The following SYNE1 variants were observed in gnomAD, a reference collection of about 807,000 sequenced individuals.
The protein encoded by SYNE1 is spectrin repeat containing nuclear envelope protein 1.
In SYNE1, 616 loss-of-function variants were observed where a neutral mutation model predicts 1,111.0. The ratio of observed to expected loss-of-function variants is 0.55; its 90% CI spans 0.52 to 0.59. The LOEUF is 0.59. SYNE1 is among the 20% of genes least tolerant of loss of function. The pLI, the probability that SYNE1 is intolerant of heterozygous loss-of-function variation, is 0.00. For missense variants in SYNE1, 10,006 were observed against 10,417.0 expected (o/e 0.96, Z 1.72); for synonymous variants, 3,855 against 3,825.8 (o/e 1.01, Z -0.28).
intron 28 of SYNE1, among the ~76,000 whole-genome samples, chr6:152,449,022 A>G (rs2098623046): frequency 6.6e-6 from 1 of 152,174 alleles, no homozygotes; most frequent in Non-Finnish European, 1.5e-5. Context: ...ACAGAATGCA[A>G]ACTGTGTTTG....
rs537186041 is a variant in SYNE1 at position 152,563,160 on chromosome 6, G to A, written c.68-23139C>T. ...TATCATACCCGGAGTCTTGTAGATTGTTTTTATCATATCTCACCTATTTTA... is the reference window on the plus strand; with the variant it reads ...TATCATACCCGGAGTCTTGTAGATTATTTTTATCATATCTCACCTATTTTA... On this transcript the variant is annotated intron_variant, in intron 3 of 145. Coordinates refer to ENST00000367255, the MANE Select transcript of SYNE1 (RefSeq NM_182961.4). Among the ~76,000 whole-genome samples, 5 of 152,074 alleles carry A rather than the reference G, an allele frequency of 3.3e-5. No homozygotes were observed. The South Asian group carries it at 1.0e-3, about 32-fold the overall frequency.
chr6:152,264,955 AAC>A (rs2092524318), intron 100 of SYNE1, among the ~76,000 whole-genome samples: 2 of 152,116 alleles, frequency 1.3e-5, no homozygotes, highest in Admixed American at 1.3e-4. Flanking sequence ...CACACCTGTA[AAC>A]ACAGCATTTT....
chr6:152,352,549 C>T (rs1003882688), intron 69 of SYNE1, among the ~76,000 whole-genome samples, 196 bp from the exon 70 acceptor site: 31 of 152,062 alleles, frequency 2.0e-4, no homozygotes, highest in African/African-American at 6.0e-4. Flanking sequence ...ACTACAGGTG[C>T]GTGCCACCAT....
intron 115 of SYNE1, among the ~76,000 whole-genome samples, chr6:152,226,343 T>C (rs1321870153): frequency 1.3e-5 from 2 of 151,828 alleles, no homozygotes; most frequent in African/African-American, 2.4e-5. Context: ...CTGAGTCACT[T>C]TGGGTAGGTG....
chr6:152,152,288 C>G (rs1254133469), intron 133 of SYNE1, 147 bp from the exon 134 acceptor site: 1 of 756,188 alleles, frequency 1.3e-6, no homozygotes, highest in East Asian at 2.7e-5. Flanking sequence ...GGTACACTTC[C>G]CCTTGTTAAT....
chr6:152,147,806 T>C, intron 137 of SYNE1: 1 of 506,332 alleles, frequency 2.0e-6, no homozygotes, highest in Non-Finnish European at 3.6e-6. Flanking sequence ...GAACTGTGTA[T>C]CCCTAGAACC....
At chr6:152,222,584 T>C (rs929956034) in intron 117 of SYNE1, among the ~76,000 whole-genome samples, 5 of 152,262 alleles carry the variant, frequency 3.3e-5, no homozygotes, top group Non-Finnish European at 7.3e-5. Context: ...GGGTACTATA[T>C]GATGTTTTGA....
At position 152,607,829 on chromosome 6, in the gene SYNE1, T is replaced by C. The variant is rs930218787; in HGVS notation, c.67+20436A>G. ...CTGGATAAAGAAAATGTGGTACATATACACCATGGAATGCTATACAGCCAT... is the reference window on the plus strand; with the variant it reads ...CTGGATAAAGAAAATGTGGTACATACACACCATGGAATGCTATACAGCCAT... On this transcript the variant is annotated intron_variant, in intron 3 of 145. Coordinates refer to ENST00000367255, the MANE Select transcript of SYNE1 (RefSeq NM_182961.4). Among the ~76,000 whole-genome samples the C allele has an allele frequency of 1.2e-4, 18 of 152,282 alleles. 3 individuals carry two copies. The highest frequency in any genetic ancestry group is 8.5e-4 in the Admixed American group (13 of 15,286).
chr6:152,546,300 C>A (rs577607120), intron 3 of SYNE1: 1 of 152,134 alleles, frequency 6.6e-6, no homozygotes, highest in African/African-American at 2.4e-5. Context: ...CAGGACCAGG[C>A]TGTGGCAGAT....
At chr6:152,287,417 C>A (rs1443444493) in intron 95 of SYNE1, among the ~76,000 whole-genome samples, 2 of 152,162 alleles carry the variant, frequency 1.3e-5, no homozygotes, top group Non-Finnish European at 2.9e-5. Flanking sequence ...ATTATTGTAG[C>A]TTTATAAATC....
At position 152,472,356 on chromosome 6, in the gene SYNE1, T is replaced by C. The variant is rs1470834957; in HGVS notation, c.1408A>G (p.Arg470Gly). ...GGCACTGGAATCCCGTTAACAGACCTGGTCCGGTAGATTTCATGGAATGCT... is the reference window on the plus strand; with the variant it reads ...GGCACTGGAATCCCGTTAACAGACCCGGTCCGGTAGATTTCATGGAATGCT... ...KRAFHEIYRT[R>G]SVNGIPVPPD... The change falls in exon 15 of 146, where the codon AGG (arginine) becomes GGG (glycine). Residue 470 changes from arginine (R) to glycine (G), a missense_variant. By Grantham distance (125) the Arg-to-Gly change is moderately radical (BLOSUM62 -2). Around this residue, in one of 7 missense-constraint regions of SYNE1, gnomAD observed 1,971 missense variants for 2,084.1 expected, o/e 0.95. Coordinates refer to ENST00000367255, the MANE Select transcript of SYNE1 (RefSeq NM_182961.4). 1.2e-6 allele frequency: 2 copies of C among 1,613,966 alleles called. No homozygotes were observed. Among genetic ancestry groups the C allele is most frequent in the Non-Finnish European group, 1.7e-6 (2 of 1,179,974 alleles).
chr6:152,302,214 T>C, intron 91 of SYNE1, 151 bp from the exon 92 acceptor site: 1 of 1,020,184 alleles, frequency 9.8e-7, no homozygotes, highest in Admixed American at 2.0e-5. Context: ...TCCTCCTGCA[T>C]CTCGCTACCG....
At position 152,221,563 on chromosome 6, in the gene SYNE1, C is replaced by T. The variant is rs1333396067; in HGVS notation, c.21523-4G>A. On this transcript the variant is annotated splice_polypyrimidine_tract_variant and splice_region_variant and intron_variant, in intron 117 of 145. Transcript: ENST00000367255. Reference sequence around the variant, plus strand: ...TTTCCAGATCATCTTGGAGATTCTGCCCCAAAAAAAAGACCCATAGATGAC... The same window carrying T: ...TTTCCAGATCATCTTGGAGATTCTGTCCCAAAAAAAAGACCCATAGATGAC... 1.2e-6 allele frequency: 2 copies of T among 1,613,272 alleles called. No individual in the cohort carries two copies. The highest frequency in any genetic ancestry group is 4.5e-5 in the East Asian group (2 of 44,820).
At chr6:152,569,600 G>A (rs911660527) in intron 3 of SYNE1, among the ~76,000 whole-genome samples, 7 of 152,236 alleles carry the variant, frequency 4.6e-5, no homozygotes, top group African/African-American at 1.7e-4. Flanking sequence ...CATATCTGTA[G>A]TAGAATAGAA....
intron 59 of SYNE1, among the ~76,000 whole-genome samples, chr6:152,372,302 A>G (rs1026012170): frequency 3.3e-5 from 5 of 152,212 alleles, no homozygotes; most frequent in Non-Finnish European, 7.3e-5. Flanking sequence ...GGATCAGGAA[A>G]TAATTGAGGA....
rs1301883133 is a variant in SYNE1 at position 152,590,549 on chromosome 6, TA to T, written c.67+37715del. The stretch of plus-strand genomic sequence containing the variant: ...CCCATAGTTTCTACAATTATTACTT[TA>T]AAAAAAAGTCCTGTATGGTTTCTTG... On this transcript the variant is annotated intron_variant, in intron 3 of 145. Coordinates refer to ENST00000367255, the MANE Select transcript of SYNE1 (RefSeq NM_182961.4). Among the ~76,000 whole-genome samples the T allele has an allele frequency of 4.6e-5, 7 of 152,000 alleles. No homozygotes were observed. In the East Asian group the frequency reaches 9.6e-4, roughly 21 times the overall value.
chr6:152,465,117 GA>G (rs2098756854), intron 18 of SYNE1, 140 bp downstream of exon 18: 2 of 909,552 alleles, frequency 2.2e-6, no homozygotes, highest in East Asian at 5.2e-5. Flanking sequence ...TTGCTAACCT[GA>G]AAGTGCAACT....
At chr6:152,369,289 G>A in intron 60 of SYNE1, 162 bp from the exon 61 acceptor site, 1 of 1,352,686 alleles carries the variant, frequency 7.4e-7, no homozygotes, top group South Asian at 1.3e-5. Flanking sequence ...AATCATGGAA[G>A]GAAACAAATC....
At position 152,244,522 on chromosome 6, in the gene SYNE1, G is replaced by T; in HGVS notation, c.19692+15C>A. 1 of 1,613,940 alleles carries T rather than the reference G, an allele frequency of 6.2e-7. No individual in the cohort carries two copies. Among genetic ancestry groups the T allele is most frequent in the Non-Finnish European group, 8.5e-7 (1 of 1,179,868 alleles). On this transcript the variant is annotated intron_variant, in intron 106 of 145. Coordinates refer to ENST00000367255, the MANE Select transcript of SYNE1 (RefSeq NM_182961.4). ...TGTACCCCTGCAGCTGAATACTACT[G>T]GCTGAAGGCTGCACCTGGAGCTTGG...
Sources: allele counts gnomAD v4.1 joint callset (sites outside exome capture counted in the v4.1 genomes callset), GRCh38; gene constraint gnomAD v4.1.1; regional missense constraint gnomAD v4.1.1; transcripts MANE v1.5; gene names NCBI Gene and HGNC (gene_info 2026-07-23, HGNC 2026-07-21).